MARCHF1: variants seen among roughly 807,000 people sequenced by gnomAD.
The protein encoded by MARCHF1 is E3 ubiquitin-protein ligase MARCHF1.
MARCHF1 carries 40 observed loss-of-function variants against 54.2 expected under a neutral mutation model. That is an observed-to-expected ratio of 0.74 (90% confidence interval 0.57 to 0.96). The LOEUF is 0.96. Ranked by LOEUF, MARCHF1 falls within the 40% of genes least tolerant of loss-of-function variation. The pLI is 0.00. For synonymous variants in MARCHF1, 236 were observed against 236.3 expected (o/e 1.00, Z 0.01); for missense variants, 586 against 656.5 (o/e 0.89, Z 1.17).
intron 1 of MARCHF1, among the ~76,000 whole-genome samples, chr4:164,275,460 G>A (rs1733855320): frequency 6.6e-6 from 1 of 152,098 alleles, no homozygotes; most frequent in Non-Finnish European, 1.5e-5. Flanking sequence ...CCTTGAGTGG[G>A]GGAAAGGTTA....
intron 3 of MARCHF1, among the ~76,000 whole-genome samples, chr4:163,866,828 C>T (rs1375656283): frequency 1.3e-5 from 2 of 151,798 alleles, no homozygotes; most frequent in Admixed American, 6.6e-5. Context: ...CAAGTTAGAA[C>T]TACCCAAAGA....
chr4:164,378,163 C>T (rs1424066875), intron 1 of MARCHF1, among the ~76,000 whole-genome samples: 1 of 151,962 alleles, frequency 6.6e-6, no homozygotes, highest in African/African-American at 2.4e-5. Flanking sequence ...TGTTTTTTCC[C>T]CGGGATGAAG....
At chr4:163,698,915 G>T (rs1744716503) in intron 5 of MARCHF1, among the ~76,000 whole-genome samples, 1 of 152,154 alleles carries the variant, frequency 6.6e-6, no homozygotes, top group South Asian at 2.1e-4. Flanking sequence ...TAGGGTGATA[G>T]ATACTTGAAA....
Position 164,100,086 on chromosome 4 carries a change from T to A in MARCHF1, c.-248+11502A>T, listed in dbSNP as rs889748614. Among the ~76,000 whole-genome samples the A allele has an allele frequency of 3.3e-5, 5 of 152,336 alleles. No homozygotes were observed. In the South Asian group the frequency reaches 6.2e-4, roughly 19 times the overall value. On this transcript the variant is annotated intron_variant, in intron 2 of 9. Transcript: ENST00000514618. ...AATTTTCCTTTTAAAGACTTCTAATTTTTACACTTATTCATTCAAACTCAT... is the reference window on the plus strand; with the variant it reads ...AATTTTCCTTTTAAAGACTTCTAATATTTACACTTATTCATTCAAACTCAT...
intron 8 of MARCHF1, among the ~76,000 whole-genome samples, chr4:163,580,474 G>C (rs896823038): frequency 3.9e-5 from 6 of 152,074 alleles, no homozygotes; most frequent in Non-Finnish European, 7.4e-5. Flanking sequence ...AAGGACTATT[G>C]GAGAAACAGA....
intron 2 of MARCHF1, among the ~76,000 whole-genome samples, chr4:164,073,489 C>T (rs931035240): frequency 1.3e-5 from 2 of 151,814 alleles, no homozygotes; most frequent in African/African-American, 4.8e-5. Flanking sequence ...CACAGTGGGG[C>T]CTGTCAGGGA....
intron 4 of MARCHF1, among the ~76,000 whole-genome samples, chr4:163,831,938 TAG>T (rs1418202704): frequency 2.6e-5 from 4 of 152,184 alleles, no homozygotes; most frequent in Non-Finnish European, 5.9e-5. Context: ...GTTTGTGTTA[TAG>T]AGAGTGGCAG....
chr4:164,249,418 A>C (rs1733057683), intron 1 of MARCHF1, among the ~76,000 whole-genome samples: 1 of 152,112 alleles, frequency 6.6e-6, no homozygotes, highest in Non-Finnish European at 1.5e-5. Flanking sequence ...AAATGAAAAT[A>C]TGTGATGTAT....
intron 5 of MARCHF1, among the ~76,000 whole-genome samples, chr4:163,688,001 C>G (rs930528915): frequency 3.3e-5 from 5 of 152,100 alleles, no homozygotes; most frequent in African/African-American, 4.8e-5. Context: ...GTTAATGTCT[C>G]AAAGTGGATT....
intron 1 of MARCHF1, among the ~76,000 whole-genome samples, chr4:164,169,810 C>T (rs1379548385): frequency 6.6e-6 from 1 of 152,086 alleles, no homozygotes; most frequent in Admixed American, 6.6e-5. Context: ...TCATGGTTAA[C>T]ATCTTTACTT....
At chr4:164,263,891 T>C (rs1460206450) in intron 1 of MARCHF1, among the ~76,000 whole-genome samples, 1 of 152,162 alleles carries the variant, frequency 6.6e-6, no homozygotes, top group Non-Finnish European at 1.5e-5. Flanking sequence ...TTATACACTG[T>C]TGGTGGGTGT....
chr4:164,308,015 T>G (rs1411026301), intron 1 of MARCHF1, among the ~76,000 whole-genome samples: 2 of 152,202 alleles, frequency 1.3e-5, no homozygotes, highest in Non-Finnish European at 2.9e-5. Context: ...ATAGTTACGC[T>G]GAATCTTTCA....
At chr4:164,048,213 T>G (rs1754282299) in intron 2 of MARCHF1, among the ~76,000 whole-genome samples, 2 of 152,294 alleles carry the variant, frequency 1.3e-5, no homozygotes, top group South Asian at 4.1e-4. Context: ...TTAAATCAGC[T>G]TAAACAAATC....
intron 4 of MARCHF1, among the ~76,000 whole-genome samples, chr4:163,713,636 T>C (rs868724887): frequency 7.9e-5 from 12 of 152,182 alleles, no homozygotes; most frequent in Middle Eastern, 3.2e-3. Flanking sequence ...CTGTTAGAAA[T>C]AGAAGTTCTG....
intron 1 of MARCHF1, among the ~76,000 whole-genome samples, chr4:164,249,858 G>A (rs1335816388): frequency 6.6e-6 from 1 of 151,972 alleles, no homozygotes; most frequent in Non-Finnish European, 1.5e-5. Flanking sequence ...TGATTAGATA[G>A]CGCTTCCATT....
intron 1 of MARCHF1, among the ~76,000 whole-genome samples, chr4:164,319,182 C>T (rs1279253773): frequency 2.6e-5 from 4 of 152,100 alleles, no homozygotes; most frequent in African/African-American, 4.8e-5. Flanking sequence ...TCATTATTCC[C>T]TAAACCATAT....
chr4:164,014,092 T>C (rs181594711), intron 2 of MARCHF1, among the ~76,000 whole-genome samples: 67 of 151,632 alleles, frequency 4.4e-4, no homozygotes, highest in Non-Finnish European at 7.5e-4. Flanking sequence ...CTTGGGAGGC[T>C]GAGGCAGGAG....
chr4:163,632,161 G>C (rs968744409), intron 5 of MARCHF1, among the ~76,000 whole-genome samples: 2 of 152,142 alleles, frequency 1.3e-5, no homozygotes, highest in Non-Finnish European at 2.9e-5. Flanking sequence ...AGTTACTCTG[G>C]AAAATATAGG....
rs1745915209 is a variant in MARCHF1, at chr4:163,733,207, A to ATATATATACACATGTG, written c.112-32345_112-32344insCACATGTGTATATATA. On this transcript the variant is annotated intron_variant, in intron 4 of 9. Coordinates refer to ENST00000514618, the MANE Select transcript of MARCHF1 (RefSeq NM_001394959.1). ...TATATATATATATATATATATATATATATATATATATATACACGTGTATAT... is the reference window on the plus strand; with the variant it reads ...TATATATATATATATATATATATATATATATATACACATGTGTATATATATATATACACGTGTATAT... Among the ~76,000 whole-genome samples, 5 of 19,222 alleles carry ATATATATACACATGTG rather than the reference A, an allele frequency of 2.6e-4. 1 individual carries two copies. In the Admixed American group the frequency reaches 3.7e-3, roughly 14 times the overall value. 12.6% of individuals were successfully genotyped at this position (19,222 alleles called of 152,430 possible).
Sources: allele counts gnomAD v4.1 joint callset (sites outside exome capture counted in the v4.1 genomes callset), GRCh38; gene constraint gnomAD v4.1.1; transcripts MANE v1.5; gene names NCBI Gene and HGNC (gene_info 2026-07-23, HGNC 2026-07-21).